Variants in ALK observed in about 807,000 individuals in gnomAD.
The protein encoded by ALK is ALK tyrosine kinase receptor.
In ALK, 74 loss-of-function variants were observed where a neutral mutation model predicts 163.1. The observed-to-expected ratio is 0.45, with a 90% confidence interval of 0.38 to 0.55. ALK has a LOEUF of 0.55. Among genes scored for constraint, ALK ranks in the 20% least tolerant of loss-of-function variants. The probability of loss-of-function intolerance (pLI) is 0.00; values close to 1 mark genes in which losing one functional copy is unlikely to be tolerated. For missense variants in ALK, 2,063 were observed against 2,105.3 expected (o/e 0.98, Z 0.39); for synonymous variants, 960 against 843.2 (o/e 1.14, Z -2.40).
intron 5 of ALK, among the ~76,000 whole-genome samples, chr2:29,348,577 C>T (rs1229769637): frequency 2.6e-5 from 4 of 152,100 alleles, no homozygotes; most frequent in African/African-American, 4.8e-5. Flanking sequence ...AGTAGCAGGA[C>T]GAGGGCAGGA....
intron 4 of ALK, among the ~76,000 whole-genome samples, chr2:29,454,766 T>TA (rs1220585093): frequency 1.3e-5 from 2 of 152,038 alleles, no homozygotes; most frequent in Non-Finnish European, 2.9e-5. Flanking sequence ...GTACAGAGAG[T>TA]TCCTATAAAC....
chr2:29,291,023 G>C (rs1174669466), intron 9 of ALK, among the ~76,000 whole-genome samples: 4 of 152,192 alleles, frequency 2.6e-5, no homozygotes, highest in African/African-American at 9.7e-5. Flanking sequence ...AAATGGATAA[G>C]AGATGTGGCC....
At chr2:29,365,573 C>T (rs187146734) in intron 5 of ALK, among the ~76,000 whole-genome samples, 5 of 152,286 alleles carry the variant, frequency 3.3e-5, no homozygotes, top group Admixed American at 3.3e-4. Flanking sequence ...TGAATCAGAA[C>T]ACACTCTGCA....
intron 1 of ALK, among the ~76,000 whole-genome samples, chr2:29,771,357 T>G (rs962646264): frequency 1.3e-5 from 2 of 152,148 alleles, no homozygotes; most frequent in Admixed American, 1.3e-4. Flanking sequence ...TTAGAGTACA[T>G]AGGACAAGTT....
intron 1 of ALK, among the ~76,000 whole-genome samples, chr2:29,806,235 G>T (rs776101477): frequency 6.6e-6 from 1 of 152,128 alleles, no homozygotes. Flanking sequence ...TAAATCACAC[G>T]GTGTGCGTGT....
At chr2:29,918,106 A>G (rs893169048) in intron 1 of ALK, among the ~76,000 whole-genome samples, 2 of 152,210 alleles carry the variant, frequency 1.3e-5, no homozygotes, top group African/African-American at 4.8e-5. Context: ...CTTTAAATGA[A>G]TTAAGCATGT....
intron 5 of ALK, among the ~76,000 whole-genome samples, chr2:29,372,831 T>C (rs539222326): frequency 1.3e-5 from 2 of 152,280 alleles, no homozygotes; most frequent in African/African-American, 2.4e-5. Flanking sequence ...AAAACAGAGA[T>C]AGAGGTGAGG....
intron 1 of ALK, among the ~76,000 whole-genome samples, chr2:29,727,055 C>G (rs143232472): frequency 6.6e-6 from 1 of 152,190 alleles, no homozygotes; most frequent in Non-Finnish European, 1.5e-5. Context: ...CTGCATTCTC[C>G]TAACTGAGGA....
chr2:29,249,936 AG>A (rs1188466308), intron 12 of ALK, among the ~76,000 whole-genome samples: 1 of 152,198 alleles, frequency 6.6e-6, no homozygotes, highest in Non-Finnish European at 1.5e-5. Context: ...CCATTTAAAA[AG>A]CACTTAGGGC....
At chr2:29,461,858 C>G (rs939758294) in intron 4 of ALK, among the ~76,000 whole-genome samples, 4 of 151,890 alleles carry the variant, frequency 2.6e-5, no homozygotes, top group African/African-American at 9.7e-5. Context: ...TCTGATGGAT[C>G]TGGGCAAAGC....
At chr2:29,206,996 C>G (rs547352945) in intron 26 of ALK, among the ~76,000 whole-genome samples, 175 bp downstream of exon 26, 1 of 152,326 alleles carries the variant, frequency 6.6e-6, no homozygotes, top group East Asian at 1.9e-4. Flanking sequence ...TTTAACAAGT[C>G]TTTATGAATT....
chr2:29,691,673 A>G (rs969788061), intron 3 of ALK, among the ~76,000 whole-genome samples: 32 of 151,986 alleles, frequency 2.1e-4, no homozygotes, highest in African/African-American at 7.7e-4. Context: ...AAATTTATTT[A>G]TTTTCTTCCT....
At chr2:29,748,022 T>C (rs1680251670) in intron 1 of ALK, among the ~76,000 whole-genome samples, 2 of 152,304 alleles carry the variant, frequency 1.3e-5, no homozygotes, top group South Asian at 2.1e-4. Context: ...CTAGGTATCA[T>C]CTAAGCTGAT....
At chr2:29,877,077 G>A (rs116837525) in intron 1 of ALK, among the ~76,000 whole-genome samples, 7 of 152,290 alleles carry the variant, frequency 4.6e-5, no homozygotes, top group African/African-American at 7.2e-5. Flanking sequence ...CATTATCAGA[G>A]GTTCAACGAA....
At chr2:29,327,158 G>A (rs1468428841) in intron 6 of ALK, among the ~76,000 whole-genome samples, 1 of 152,236 alleles carries the variant, frequency 6.6e-6, no homozygotes, top group Non-Finnish European at 1.5e-5. Flanking sequence ...GGAGCACCAT[G>A]TTCAAGTGCA....
chr2:29,669,332 C>T (rs1039066122), intron 3 of ALK, among the ~76,000 whole-genome samples: 1 of 151,886 alleles, frequency 6.6e-6, no homozygotes, highest in African/African-American at 2.4e-5. Flanking sequence ...TGAATTTGAC[C>T]CCTTTACTTT....
chr2:29,801,204 T>C (rs954235387), intron 1 of ALK, among the ~76,000 whole-genome samples: 1 of 152,156 alleles, frequency 6.6e-6, no homozygotes, highest in Admixed American at 6.5e-5. Flanking sequence ...AGAAATGTCT[T>C]CCACCAAGAG....
intron 8 of ALK, among the ~76,000 whole-genome samples, chr2:29,298,654 G>C (rs893382705): frequency 6.6e-6 from 1 of 152,082 alleles, no homozygotes; most frequent in African/African-American, 2.4e-5. Context: ...CTCACCCCCT[G>C]GTTCCCACCT....
chr2:29,560,399 T>C (rs1673986862), intron 3 of ALK, among the ~76,000 whole-genome samples: 1 of 152,120 alleles, frequency 6.6e-6, no homozygotes, highest in South Asian at 2.1e-4. Context: ...AGACAAGAAA[T>C]AGATTAAGGG....
Sources: allele counts gnomAD v4.1 joint callset (sites outside exome capture counted in the v4.1 genomes callset), GRCh38; gene constraint gnomAD v4.1.1; transcripts MANE v1.5; gene names NCBI Gene and HGNC (gene_info 2026-07-23, HGNC 2026-07-21).